POU6F2: variants seen among roughly 807,000 people sequenced by gnomAD.
The protein encoded by POU6F2 is POU class 6 homeobox 2, also known as POU domain, class 6, transcription factor 2.
In POU6F2, 31 loss-of-function variants were observed where a neutral mutation model predicts 71.3. The observed-to-expected ratio is 0.43, with a 90% CI of 0.33 to 0.59. The LOEUF is 0.59. Ranked by LOEUF, POU6F2 falls within the 20% of genes least tolerant of loss-of-function variation. POU6F2 has a pLI of 0.04. For missense variants in POU6F2, 783 were observed against 856.8 expected (o/e 0.91, Z 1.07); for synonymous variants, 347 against 355.7 (o/e 0.98, Z 0.27).
At chr7:38,996,375 C>A (rs140044597) in intron 1 of POU6F2, among the ~76,000 whole-genome samples, 1 of 152,146 alleles carries the variant, frequency 6.6e-6, no homozygotes, top group East Asian at 1.9e-4. Context: ...CCTTCTACTC[C>A]CAGTTTTCTT....
At chr7:39,016,764 A>G (rs546377121) in intron 1 of POU6F2, among the ~76,000 whole-genome samples, 21 of 152,154 alleles carry the variant, frequency 1.4e-4, no homozygotes, top group Admixed American at 4.6e-4. Flanking sequence ...GTGTAGGTCA[A>G]GACGGCGTTA....
chr7:39,215,849 C>G (rs1046701018), intron 4 of POU6F2, among the ~76,000 whole-genome samples: 3 of 152,114 alleles, frequency 2.0e-5, no homozygotes, highest in Non-Finnish European at 4.4e-5. Context: ...AGCACAAAAT[C>G]TCAAAATCTC....
chr7:39,030,541 TATAC>T (rs1406035511), intron 1 of POU6F2, among the ~76,000 whole-genome samples: 4 of 125,782 alleles, frequency 3.2e-5, no homozygotes, highest in Non-Finnish European at 6.7e-5. Flanking sequence ...TATATATATA[TATAC>T]ACACACATAC....
intron 2 of POU6F2, among the ~76,000 whole-genome samples, chr7:39,092,886 G>A (rs1348299305): frequency 6.6e-6 from 1 of 152,118 alleles, no homozygotes; most frequent in Admixed American, 6.6e-5. Flanking sequence ...GTCATTCGCA[G>A]AGAAATGGAA....
intron 2 of POU6F2, among the ~76,000 whole-genome samples, chr7:39,168,293 C>T (rs752740503): frequency 3.3e-5 from 5 of 152,168 alleles, no homozygotes; most frequent in Non-Finnish European, 7.3e-5. Context: ...CTATTTGCAG[C>T]ATCATGACAA....
intron 5 of POU6F2, among the ~76,000 whole-genome samples, chr7:39,381,152 C>T (rs577264386): frequency 2.6e-5 from 4 of 152,298 alleles, no homozygotes; most frequent in Non-Finnish European, 4.4e-5. Flanking sequence ...ACCTCTGCCC[C>T]GCCCCGGGTT....
intron 1 of POU6F2, among the ~76,000 whole-genome samples, chr7:39,017,277 A>T (rs1252931345): frequency 1.3e-5 from 2 of 152,218 alleles, no homozygotes; most frequent in Non-Finnish European, 2.9e-5. Context: ...AACAATGAGC[A>T]AAATATGTGC....
intron 4 of POU6F2, among the ~76,000 whole-genome samples, chr7:39,235,496 C>T (rs1209711863): frequency 6.6e-6 from 1 of 152,160 alleles, no homozygotes; most frequent in Non-Finnish European, 1.5e-5. Flanking sequence ...CACCCTGCCC[C>T]TTCTCCTGCC....
chr7:39,240,868 T>A (rs1174190402), intron 4 of POU6F2, among the ~76,000 whole-genome samples: 1 of 152,060 alleles, frequency 6.6e-6, no homozygotes, highest in Admixed American at 6.6e-5. Flanking sequence ...CAGGAAAATG[T>A]CTCATCTCAT....
intron 1 of POU6F2, among the ~76,000 whole-genome samples, chr7:39,053,281 A>G (rs1790434828): frequency 6.6e-6 from 1 of 152,134 alleles, no homozygotes; most frequent in East Asian, 1.9e-4. Flanking sequence ...TTCACTAGGA[A>G]AGTTACAGTG....
intron 1 of POU6F2, among the ~76,000 whole-genome samples, chr7:39,009,350 T>G (rs1789189807): frequency 6.6e-6 from 1 of 152,126 alleles, no homozygotes; most frequent in Admixed American, 6.5e-5. Flanking sequence ...ATAAGAATGC[T>G]TGTGATTTTG....
intron 4 of POU6F2, among the ~76,000 whole-genome samples, chr7:39,260,744 C>G (rs1472127158): frequency 1.3e-5 from 2 of 151,890 alleles, no homozygotes; most frequent in African/African-American, 4.8e-5. Flanking sequence ...GCACACAACA[C>G]ACAGACACCA....
chr7:39,232,707 C>G (rs934811854), intron 4 of POU6F2, among the ~76,000 whole-genome samples: 7 of 152,174 alleles, frequency 4.6e-5, no homozygotes, highest in African/African-American at 1.7e-4. Flanking sequence ...CTCAACATAT[C>G]AAGCAAATAT....
intron 8 of POU6F2, among the ~76,000 whole-genome samples, chr7:39,453,626 G>T (rs1237243069): frequency 1.3e-5 from 2 of 152,206 alleles, no homozygotes; most frequent in Non-Finnish European, 2.9e-5. Context: ...GATGGAACTG[G>T]GTTCTCTCTA....
chr7:39,245,254 A>G (rs1783800073), intron 4 of POU6F2, among the ~76,000 whole-genome samples: 1 of 152,216 alleles, frequency 6.6e-6, no homozygotes, highest in Non-Finnish European at 1.5e-5. Flanking sequence ...AACTTATTCA[A>G]AAGTGAGCAG....
At chr7:39,221,384 C>CTTTTTTTTTT (rs33915153) in intron 4 of POU6F2, among the ~76,000 whole-genome samples, 4 of 86,332 alleles carry the variant, frequency 4.6e-5, no homozygotes, top group Non-Finnish European at 6.4e-5. Context: ...CTCTCTCTCT[C>CTTTTTTTTTT]TTTTTTTTTT....
chr7:39,363,600 T>C (rs1292632191), intron 5 of POU6F2, among the ~76,000 whole-genome samples: 1 of 150,148 alleles, frequency 6.7e-6, no homozygotes, highest in Admixed American at 6.7e-5. Context: ...TACTGGACCC[T>C]GGAGCACCCC....
chr7:39,344,619 G>A (rs1785991276), intron 5 of POU6F2, among the ~76,000 whole-genome samples: 1 of 149,060 alleles, frequency 6.7e-6, no homozygotes, highest in African/African-American at 2.5e-5. Flanking sequence ...TCTGCCCTAT[G>A]GAAAAGACCC....
At chr7:39,260,235 A>G (rs562082950) in intron 4 of POU6F2, among the ~76,000 whole-genome samples, 2 of 149,674 alleles carry the variant, frequency 1.3e-5, no homozygotes, top group East Asian at 2.0e-4. Flanking sequence ...CATGCAATAC[A>G]CACACCACAC....
Sources: allele counts gnomAD v4.1 joint callset (sites outside exome capture counted in the v4.1 genomes callset), GRCh38; gene constraint gnomAD v4.1.1; transcripts MANE v1.5; gene names NCBI Gene and HGNC (gene_info 2026-07-23, HGNC 2026-07-21).